TECPR2: variants seen among roughly 807,000 people sequenced by gnomAD.
TECPR2 encodes the protein tectonin beta-propeller repeat-containing protein 2.
In TECPR2, 65 loss-of-function variants were observed where a neutral mutation model predicts 138.1. That is an observed-to-expected ratio of 0.47 (90% confidence interval 0.39 to 0.58). The LOEUF is 0.58. TECPR2 is among the 20% of genes least tolerant of loss of function. The pLI is 0.00. For missense variants in TECPR2, 1,553 were observed against 1,824.5 expected, an observed-to-expected ratio of 0.85 and a Z score of 2.71; for synonymous variants, 746 against 749.8, an observed-to-expected ratio of 0.99 and a Z score of 0.08.
chr14:102,418,243 G>T (rs553310772), intron 5 of TECPR2, among the ~76,000 whole-genome samples: 7 of 152,198 alleles, frequency 4.6e-5, no homozygotes, highest in Admixed American at 3.3e-4. Context: ...TTCATTCAGC[G>T]CTGGAGCTTT....
chr14:102,486,157 G>A (rs1019778734), intron 17 of TECPR2, among the ~76,000 whole-genome samples: 1 of 152,214 alleles, frequency 6.6e-6, no homozygotes, highest in African/African-American at 2.4e-5. Context: ...ACTGGAGTCA[G>A]TGCAGAAGGA....
rs2139721447 is a variant in TECPR2 at position 102,428,335 on chromosome 14, G to T, written c.1037G>T (p.Arg346Met). 6.2e-7 allele frequency: 1 copy of T among 1,608,936 alleles called. No individual in the cohort carries two copies. The highest frequency in any genetic ancestry group is 2.2e-5 in the East Asian group (1 of 44,664). ...ENEIFFLKGD[R>M]NIIRISSRPE... The stretch of plus-strand genomic sequence containing the variant: ...GAAATATTTTTCTTGAAAGGAGATA[G>T]GAACATTATAAGAATTTCAAGCAGG... Residue 346 changes from arginine to methionine, a missense_variant, in exon 7 of 20, where the codon AGG becomes ATG. Physicochemically the swap from Arg to Met is moderately conservative, Grantham distance 91. Coordinates refer to ENST00000359520, the MANE Select transcript of TECPR2 (RefSeq NM_014844.5).
intron 9 of TECPR2, chr14:102,437,291 A>G: frequency 1.3e-6 from 1 of 792,700 alleles, no homozygotes; most frequent in Non-Finnish European, 1.5e-6. Context: ...TCACGCCTGT[A>G]ATCCCAGCAC....
intron 2 of TECPR2, among the ~76,000 whole-genome samples, chr14:102,406,185 A>G (rs1159408663): frequency 1.3e-5 from 2 of 152,190 alleles, no homozygotes; most frequent in Non-Finnish European, 2.9e-5. Context: ...TGTATTGAAT[A>G]CCACTGAAAT....
chr14:102,432,273 C>T, intron 8 of TECPR2, 145 bp downstream of exon 8: 2 of 721,428 alleles, frequency 2.8e-6, no homozygotes, highest in Non-Finnish European at 4.3e-6. Context: ...AGTTTTACTG[C>T]AAAATACTTC....
In TECPR2 at chr14:102,411,966, G is replaced by C. The variant is rs114559538; in HGVS notation, c.481-2670G>C. Among the ~76,000 whole-genome samples the C allele has an allele frequency of 1.9e-3, 287 of 152,012 alleles. 1 individual carries two copies. Among genetic ancestry groups the C allele is most frequent in the African/African-American group, 6.6e-3 (275 of 41,478 alleles). ...AATGACAAATGGTAGTTTCTTTAAAGGTTAGTAAAAATGTGGAATCTGAAA... is the reference window on the plus strand; with the variant it reads ...AATGACAAATGGTAGTTTCTTTAAACGTTAGTAAAAATGTGGAATCTGAAA... On this transcript the variant is annotated intron_variant, in intron 4 of 19. Transcript: ENST00000359520.
At chr14:102,386,717 T>C (rs1406629690) in intron 2 of TECPR2, among the ~76,000 whole-genome samples, 4 of 152,128 alleles carry the variant, frequency 2.6e-5, no homozygotes, top group Non-Finnish European at 4.4e-5. Context: ...TTTTGGTACA[T>C]ATTACACGCA....
chr14:102,485,082 G>A (rs1262434386), intron 17 of TECPR2, among the ~76,000 whole-genome samples: 3 of 152,230 alleles, frequency 2.0e-5, no homozygotes, highest in Non-Finnish European at 4.4e-5. Context: ...CGCCCTGCAG[G>A]TGACTCTTGC....
At position 102,376,693 on chromosome 14, in the gene TECPR2, C is replaced by T. The variant is rs760603098; in HGVS notation, c.-29C>T. 1.4e-5 allele frequency: 22 copies of T among 1,599,044 alleles called. No individual in the cohort carries two copies. Among genetic ancestry groups the T allele is most frequent in the Admixed American group, 1.2e-4 (7 of 59,924 alleles). On this transcript the variant is annotated 5_prime_UTR_variant, in exon 2 of 20. Coordinates refer to ENST00000359520, the MANE Select transcript of TECPR2 (RefSeq NM_014844.5). Reference sequence around the variant, plus strand: ...TGACAAATAAACATTCCTTTTCCTGCGTGAAGATAGTCTGTGGAAACCTTG... The same window carrying T: ...TGACAAATAAACATTCCTTTTCCTGTGTGAAGATAGTCTGTGGAAACCTTG...
intron 5 of TECPR2, among the ~76,000 whole-genome samples, chr14:102,422,791 G>A (rs924638664): frequency 2.0e-5 from 3 of 152,182 alleles, no homozygotes; most frequent in Admixed American, 6.5e-5. Flanking sequence ...TAAGTTTGGG[G>A]ATGGGTTCCC....
chr14:102,494,379 C>T (rs1360197385), intron 17 of TECPR2, among the ~76,000 whole-genome samples: 2 of 152,024 alleles, frequency 1.3e-5, no homozygotes, highest in African/African-American at 4.8e-5. Context: ...CCCGTCTCTA[C>T]TAAAAATACA....
chr14:102,484,524 G>A (rs528478338), intron 17 of TECPR2, among the ~76,000 whole-genome samples: 5 of 152,192 alleles, frequency 3.3e-5, no homozygotes, highest in Non-Finnish European at 7.3e-5. Context: ...ACAGCAATCT[G>A]GCTGGGCTGC....
chr14:102,477,992 G>A (rs1234032048), intron 17 of TECPR2, among the ~76,000 whole-genome samples: 2 of 145,218 alleles, frequency 1.4e-5, no homozygotes, highest in Non-Finnish European at 3.0e-5. Flanking sequence ...TCCTGGCCTC[G>A]TGATCTGCCC....
intron 17 of TECPR2, among the ~76,000 whole-genome samples, chr14:102,472,517 G>A (rs1890672399): frequency 1.3e-5 from 2 of 152,220 alleles, no homozygotes; most frequent in African/African-American, 4.8e-5. Flanking sequence ...ATTTCAAGTA[G>A]TTCTGCTGAA....
At chr14:102,463,668 A>G (rs1042351577) in intron 16 of TECPR2, among the ~76,000 whole-genome samples, 1 of 152,138 alleles carries the variant, frequency 6.6e-6, no homozygotes, top group African/African-American at 2.4e-5. Flanking sequence ...TCACACCTGT[A>G]ATCCCAGCAC....
intron 16 of TECPR2, 77 bp from the exon 17 acceptor site, chr14:102,465,064 C>A: frequency 6.5e-7 from 1 of 1,541,632 alleles, no homozygotes; most frequent in Non-Finnish European, 8.8e-7. Context: ...AGTAGAAAAT[C>A]AAAGTTCATA....
intron 17 of TECPR2, among the ~76,000 whole-genome samples, chr14:102,475,845 G>A (rs1277669059): frequency 6.6e-6 from 1 of 152,168 alleles, no homozygotes; most frequent in Non-Finnish European, 1.5e-5. Context: ...CATTAAAACA[G>A]TTGTTACACC....
At position 102,362,947 on chromosome 14, in the gene TECPR2, G is replaced by T; in HGVS notation, c.-242G>T. ...GTCCGCCCCGCCCGCTGCCACTTGT[G>T]GCTCTGCCGCTCTAGCCCCCGGCGG... On this transcript the variant is annotated 5_prime_UTR_variant, in exon 1 of 20. Coordinates refer to ENST00000359520, the MANE Select transcript of TECPR2 (RefSeq NM_014844.5). The T allele has an allele frequency of 1.3e-6, 2 of 1,511,678 alleles. No homozygotes were observed. The highest frequency in any genetic ancestry group is 9.1e-7 in the Non-Finnish European group (1 of 1,103,572). The allele number at this position is 1,511,678 out of a possible 1,614,324, so 93.6% of individuals were successfully genotyped here.
chr14:102,463,186 C>T (rs554195699), intron 16 of TECPR2, among the ~76,000 whole-genome samples: 54 of 151,694 alleles, frequency 3.6e-4, no homozygotes, highest in South Asian at 1.0e-3. Flanking sequence ...TTTGGGAGGC[C>T]GAGACGGATC....
Sources: allele counts gnomAD v4.1 joint callset (sites outside exome capture counted in the v4.1 genomes callset), GRCh38; gene constraint gnomAD v4.1.1; transcripts MANE v1.5; gene names NCBI Gene and HGNC (gene_info 2026-07-23, HGNC 2026-07-21).